Variants in GCN1 observed in about 807,000 individuals in gnomAD.
GCN1 encodes GCN1 activator of EIF2AK4, also known as stalled ribosome sensor GCN1.
A neutral mutation model predicts 288.4 loss-of-function variants in GCN1; 90 were observed. The observed-to-expected ratio is 0.31, with a 90% CI of 0.26 to 0.37. GCN1 has a LOEUF of 0.37. Among genes scored for constraint, GCN1 ranks in the 10% least tolerant of loss-of-function variants. GCN1 has a pLI of 1.00. For missense variants in GCN1, 2,586 were observed against 3,419.9 expected (o/e 0.76, Z 6.08); for synonymous variants, 1,386 against 1,420.2 (o/e 0.98, Z 0.54).
At chr12:120,147,483 C>G (rs1385390893) in intron 37 of GCN1, among the ~76,000 whole-genome samples, 2 of 152,216 alleles carry the variant, frequency 1.3e-5, no homozygotes, top group East Asian at 3.8e-4. Context: ...ATCCGCCCGC[C>G]TCAGCCTCCC....
chr12:120,188,780 CA>C (rs1878909299), intron 2 of GCN1, among the ~76,000 whole-genome samples: 1 of 149,470 alleles, frequency 6.7e-6, no homozygotes, highest in Non-Finnish European at 1.5e-5. Context: ...ACCCGGGAAG[CA>C]GAGCGTGCAG....
At chr12:120,190,924 G>C (rs942416057) in intron 1 of GCN1, among the ~76,000 whole-genome samples, 1 of 152,132 alleles carries the variant, frequency 6.6e-6, no homozygotes, top group African/African-American at 2.4e-5. Flanking sequence ...GGCTAAAGGG[G>C]GAAAGGTTAG....
Position 120,137,380 on chromosome 12 carries a change from AT to A in GCN1, c.6664-62del. 1 of 1,475,332 alleles carries A rather than the reference AT, an allele frequency of 6.8e-7. No individual in the cohort carries two copies. The allele number at this position is 1,475,332 out of a possible 1,614,324, so 91.4% of individuals were successfully genotyped here. On this transcript the variant is annotated intron_variant, in intron 49 of 57. Transcript: ENST00000300648. The surrounding 1 kb of genome is among the most constrained non-coding windows in gnomAD (Gnocchi z 5.2). ...GCCCTCTCAAGACTGCTTCCAAAGA[AT>A]ATATGGGGAAAGCGTGGGCGGGAGT...
Position 120,156,369 on chromosome 12 carries a change from G to C in GCN1, c.3312+92C>G. Reference sequence around the variant, plus strand: ...CTTTGCCTCTAGGCCTCCCACCAGAGTGAGGGACATTCTCTCAAATGCCCA... The same window carrying C: ...CTTTGCCTCTAGGCCTCCCACCAGACTGAGGGACATTCTCTCAAATGCCCA... On this transcript the variant is annotated intron_variant, in intron 28 of 57. Transcript: ENST00000300648. The surrounding 1 kb of genome is among the most constrained non-coding windows in gnomAD (Gnocchi z 5.8). 7.8e-7 allele frequency: 1 copy of C among 1,274,622 alleles called. No homozygotes were observed. The highest frequency in any genetic ancestry group is 1.1e-6 in the Non-Finnish European group (1 of 895,554). 79.0% of individuals were successfully genotyped at this position (1,274,622 alleles called of 1,614,324 possible). A position where few individuals can be genotyped will look rare whatever the true frequency, so the allele number is the denominator to read the frequency against.
intron 9 of GCN1, 73 bp from the exon 10 acceptor site, chr12:120,176,290 C>A (rs2269945): frequency 1.0e-6 from 1 of 963,506 alleles, no homozygotes; most frequent in South Asian, 1.3e-5. Flanking sequence ...TTCCCCTACT[C>A]CCCAGCAAAT....
At chr12:120,184,340 A>G (rs1174258482) in intron 3 of GCN1, 97 bp from the exon 4 acceptor site, 32 of 986,800 alleles carry the variant, frequency 3.2e-5, no homozygotes, top group Non-Finnish European at 1.1e-5. Flanking sequence ...CTCAGGAGAA[A>G]CTGATCACAC....
rs1184977342 is a variant in GCN1 at position 120,159,952 on chromosome 12, G to C, written c.2622C>G (p.Thr874=). Reference sequence around the variant, plus strand: ...AGTCGACCAAAACAGGGATGTACTGGGTCAGGCCGGACGGGTTCTTGGCCA... The same window carrying C: ...AGTCGACCAAAACAGGGATGTACTGCGTCAGGCCGGACGGGTTCTTGGCCA... ...IILAKNPSGL[T]QYIPVLVDSF... is the part of the protein sequence containing the mutation. The change falls in exon 24 of 58, where the codon ACC becomes ACG. Residue 874 remains threonine, a synonymous_variant. Transcript: ENST00000300648. The C allele has an allele frequency of 8.7e-6, 14 of 1,613,978 alleles. No homozygotes were observed. In the South Asian group the frequency reaches 1.5e-4, roughly 18 times the overall value.
rs370428288 is a variant in GCN1, at chr12:120,151,280, C to T, written c.4174G>A (p.Ala1392Thr). The change falls in exon 34 of 58, where the codon GCA becomes ACA. Residue 1392 changes from alanine (A) to threonine (T), a missense_variant. Coordinates refer to ENST00000300648, the MANE Select transcript of GCN1 (RefSeq NM_006836.2). ...CCATAGGCGGCCCCTTTGCGCTCTG[C>T]GTACTTGTCTGACTCCAGCAGCTGC... ...MQQLLESDKY[A>T]ERKGAAYGLA... The T allele has an allele frequency of 6.8e-6, 11 of 1,614,064 alleles. No individual in the cohort carries two copies. Among genetic ancestry groups the T allele is most frequent in the Non-Finnish European group, 9.3e-6 (11 of 1,180,042 alleles).
At chr12:120,188,864 AG>A (rs1878912805) in intron 2 of GCN1, among the ~76,000 whole-genome samples, 1 of 151,816 alleles carries the variant, frequency 6.6e-6, no homozygotes, top group Non-Finnish European at 1.5e-5. Flanking sequence ...AAAAAAAAAA[AG>A]TTTTTGTACT....
At position 120,127,821 on chromosome 12, in the gene GCN1, C is replaced by T. The variant is rs186518011; in HGVS notation, c.*28G>A. 138 of 1,606,228 alleles carry T rather than the reference C, an allele frequency of 8.6e-5. 1 individual carries two copies. In the African/African-American group the frequency reaches 1.6e-3, roughly 19 times the overall value. On this transcript the variant is annotated 3_prime_UTR_variant, in exon 58 of 58. Coordinates refer to ENST00000300648, the MANE Select transcript of GCN1 (RefSeq NM_006836.2). ...GAAAACATTGAGCAAAGATGTGGAG[C>T]GGCAATGCTGCTGCTGGCCCAGGCC...
rs747690859 is a variant in GCN1 at position 120,173,801 on chromosome 12, A to T, written c.1218T>A (p.Ala406=). Residue 406 remains alanine, a synonymous_variant, in exon 14 of 58, where the codon GCT becomes GCA. Transcript: ENST00000300648. ...QEVHEGTLVH[A]VSVLALWCNR... ...TACACCAGAGAGCCAGGACTGAGAC[A>T]GCGTGTACCAAGGTCCCTTCATGAA... 1.2e-6 allele frequency: 2 copies of T among 1,613,948 alleles called. No homozygotes were observed. Among genetic ancestry groups the T allele is most frequent in the East Asian group, 4.5e-5 (2 of 44,898 alleles).
intron 1 of GCN1, among the ~76,000 whole-genome samples, chr12:120,191,060 T>A (rs1295374833): frequency 2.0e-5 from 3 of 152,210 alleles, no homozygotes; most frequent in Non-Finnish European, 4.4e-5. Flanking sequence ...ATGACTGTTA[T>A]GGAGCTTAAA....
At chr12:120,157,086 A>G (rs931137346) in intron 26 of GCN1, 94 bp from the exon 27 acceptor site, 3 of 782,756 alleles carry the variant, frequency 3.8e-6, no homozygotes, top group South Asian at 2.9e-5. Context: ...CCACGGGGGA[A>G]CATTCTGGAT....
In GCN1 at chr12:120,134,870, G is replaced by A. The variant is rs1182932300; in HGVS notation, c.7009-144C>T. The A allele has an allele frequency of 1.5e-6, 1 of 684,012 alleles. No individual in the cohort carries two copies. Among genetic ancestry groups the A allele is most frequent in the Non-Finnish European group, 2.5e-6 (1 of 397,196 alleles). 42.4% of individuals were successfully genotyped at this position (684,012 alleles called of 1,614,324 possible). A position where few individuals can be genotyped will look rare whatever the true frequency, so the allele number is the denominator to read the frequency against. ...AGGGCTGGGGACAGATAGCCCGTCA[G>A]AGAGGCCAAACACAGACAGGTTTCG... On this transcript the variant is annotated intron_variant, in intron 51 of 57. Coordinates refer to ENST00000300648, the MANE Select transcript of GCN1 (RefSeq NM_006836.2). This position sits in a 1 kb window ranked among gnomAD's most constrained non-coding sequence, Gnocchi z 5.0.
chr12:120,152,651 A>G (rs1030778861), intron 33 of GCN1, among the ~76,000 whole-genome samples: 3 of 138,278 alleles, frequency 2.2e-5, no homozygotes, highest in African/African-American at 8.1e-5. Context: ...ACACACACAC[A>G]CACACACAAA....
chr12:120,172,465 C>G (rs529160252), intron 14 of GCN1, among the ~76,000 whole-genome samples: 27 of 152,312 alleles, frequency 1.8e-4, no homozygotes, highest in African/African-American at 6.3e-4. Context: ...ACATTTCACA[C>G]AGAAGGGGGT....
intron 31 of GCN1, 119 bp downstream of exon 31, chr12:120,154,851 G>A (rs890066369): frequency 2.9e-5 from 35 of 1,219,686 alleles, no homozygotes; most frequent in Admixed American, 2.3e-4. Flanking sequence ...AGGCCTCCCC[G>A]ACTCTGAGGG....
chr12:120,150,915 C>T (rs1228016970), intron 34 of GCN1, among the ~76,000 whole-genome samples: 4 of 149,896 alleles, frequency 2.7e-5, no homozygotes, highest in Non-Finnish European at 5.9e-5. Flanking sequence ...CTAGCCTGGG[C>T]GACAGAGCGA....
chr12:120,133,046 GA>G (rs1342112652), intron 53 of GCN1, among the ~76,000 whole-genome samples: 4 of 152,250 alleles, frequency 2.6e-5, no homozygotes, highest in African/African-American at 7.2e-5. Flanking sequence ...AGCCCTGAAA[GA>G]CTGTGACCAA....
Sources: gnomAD v4.1 joint callset for allele counts (sites outside exome capture counted in the v4.1 genomes callset) on GRCh38, gnomAD v4.1.1 for gene constraint, Gnocchi (gnomAD v3.1) non-coding constraint, MANE v1.5 for transcripts, NCBI Gene and HGNC (gene_info 2026-07-23, HGNC 2026-07-21) for gene names.